Variants in PDILT observed in about 807,000 individuals in gnomAD.
PDILT encodes protein disulfide isomerase like, testis expressed.
In PDILT, 43 loss-of-function variants were observed where a neutral mutation model predicts 53.7. The observed-to-expected ratio is 0.80, with a 90% confidence interval of 0.63 to 1.03. PDILT has a LOEUF of 1.03. PDILT is among the 50% of genes least tolerant of loss of function. The pLI is 0.00. For missense variants in PDILT, 727 were observed against 712.3 expected (o/e 1.02, Z -0.24); for synonymous variants, 282 against 274.2 (o/e 1.03, Z -0.28).
chr16:20,360,713 GA>G, intron 10 of PDILT, 56 bp from the exon 11 acceptor site: 2 of 1,325,266 alleles, frequency 1.5e-6, no homozygotes, highest in Non-Finnish European at 2.2e-6. Flanking sequence ...AGAGATGCTC[GA>G]GGATTGCTAC....
At chr16:20,372,489 C>A (rs543690191) in intron 7 of PDILT, among the ~76,000 whole-genome samples, 8 of 152,176 alleles carry the variant, frequency 5.3e-5, no homozygotes, top group Non-Finnish European at 1.0e-4. Context: ...TGTATGGAGT[C>A]CACTTAGTGG....
intron 2 of PDILT, among the ~76,000 whole-genome samples, chr16:20,398,555 C>G (rs187822878): frequency 6.6e-6 from 1 of 152,296 alleles, no homozygotes; most frequent in East Asian, 1.9e-4. Context: ...CGCGTGAACA[C>G]AGGAGGTGGA....
At chr16:20,399,662 C>T (rs898401158) in intron 1 of PDILT, among the ~76,000 whole-genome samples, 2 of 151,850 alleles carry the variant, frequency 1.3e-5, no homozygotes, top group Admixed American at 6.6e-5. Flanking sequence ...CTCTGGATCT[C>T]AGAGATAACT....
chr16:20,396,948 C>A (rs995989445), intron 2 of PDILT, among the ~76,000 whole-genome samples: 1 of 152,130 alleles, frequency 6.6e-6, no homozygotes, highest in Non-Finnish European at 1.5e-5. Flanking sequence ...ACTTTCATCA[C>A]CACAACAACC....
intron 3 of PDILT, among the ~76,000 whole-genome samples, chr16:20,382,929 C>T (rs1395179554): frequency 6.6e-6 from 1 of 152,172 alleles, no homozygotes; most frequent in African/African-American, 2.4e-5. Flanking sequence ...CTGTAGAGAA[C>T]AAGCAATAAG....
In PDILT at chr16:20,372,893, C is replaced by T. The variant is rs375150932; in HGVS notation, c.827G>A (p.Ser276Asn). 6.2e-7 allele frequency: 1 copy of T among 1,614,086 alleles called. No homozygotes were observed. The highest frequency in any genetic ancestry group is 8.5e-7 in the Non-Finnish European group (1 of 1,179,980). Reference protein sequence around the residue: ...KDLISELHIMSHMLLFVSKSS... With the variant: ...KDLISELHIMNHMLLFVSKSS... ...TTTGGAGACAAACAGCAGCATGTGA[C>T]TCATGATGTGCAACTCGGAAATCAG... The change falls in exon 7 of 12, where the codon AGT becomes AAT. Residue 276 changes from serine to asparagine, a missense_variant. Ser to Asn is a conservative substitution (Grantham distance 46). Coordinates refer to ENST00000302451, the MANE Select transcript of PDILT (RefSeq NM_174924.2).
In PDILT at chr16:20,385,855, A is replaced by C. The variant is rs1310118584; in HGVS notation, c.203-1004T>G. ...TAGAGGGAAATTTTCCAAACTATTA[A>C]AATTTTTTGTTTTAAAAAAATTCTG... is the stretch of plus-strand genomic sequence containing the variant. On this transcript the variant is annotated intron_variant, in intron 2 of 11. Transcript: ENST00000302451. 9 of 152,318 alleles carry C rather than the reference A, an allele frequency of 5.9e-5. No individual in the cohort carries two copies. In the South Asian group the frequency reaches 1.2e-3, roughly 21 times the overall value. The allele number at this position is 152,318 out of a possible 1,614,324, so 9.4% of individuals were successfully genotyped here. A position where few individuals can be genotyped will look rare whatever the true frequency, so the allele number is the denominator to read the frequency against.
intron 8 of PDILT, 134 bp from the exon 9 acceptor site, chr16:20,365,674 T>A: frequency 8.8e-7 from 1 of 1,132,882 alleles, no homozygotes; most frequent in Non-Finnish European, 1.3e-6. Context: ...GGGTTTGAAA[T>A]ACTGAGATGG....
chr16:20,360,872 G>A (rs1430864614), intron 10 of PDILT, among the ~76,000 whole-genome samples: 1 of 152,196 alleles, frequency 6.6e-6, no homozygotes, highest in East Asian at 1.9e-4. Context: ...ATCAAAGCAC[G>A]GACTGTAAAA....
At chr16:20,393,496 A>T (rs1966629316) in intron 2 of PDILT, among the ~76,000 whole-genome samples, 2 of 152,228 alleles carry the variant, frequency 1.3e-5, no homozygotes, top group African/African-American at 4.8e-5. Context: ...TGTGGGAACT[A>T]TAAATGTTAA....
At chr16:20,390,092 GA>G (rs994511701) in intron 2 of PDILT, among the ~76,000 whole-genome samples, 2 of 152,040 alleles carry the variant, frequency 1.3e-5, no homozygotes, top group Admixed American at 6.6e-5. Context: ...GATCAAGCAT[GA>G]AAAAAATATT....
intron 9 of PDILT, 70 bp from the exon 10 acceptor site, chr16:20,362,652 T>TGCCATGTGTAG: frequency 1.4e-6 from 2 of 1,459,302 alleles, no homozygotes; most frequent in Non-Finnish European, 1.9e-6. Flanking sequence ...ACCCTACACA[T>TGCCATGTGTAG]GGCATCGCTG....
chr16:20,384,689 T>G lies in PDILT; in HGVS notation c.365A>C (p.Lys122Thr), dbSNP rs767200436. The G allele has an allele frequency of 6.2e-7, 1 of 1,614,212 alleles. No homozygotes were observed. Among genetic ancestry groups the G allele is most frequent in the Admixed American group, 1.7e-5 (1 of 60,034 alleles). Reference sequence around the variant, plus strand: ...TGACCTGTTGCCCTCAAAAAACAGCTTCAACTCCGGGGCCTTGGTAATCCC... The same window carrying G: ...TGACCTGTTGCCCTCAAAAAACAGCGTCAACTCCGGGGCCTTGGTAATCCC... ...EFGITKAPEL[K>T]LFFEGNRSEP... Residue 122 changes from lysine (K) to threonine (T), a missense_variant, in exon 3 of 12, where the codon AAG becomes ACG. By Grantham distance (78) the Lys-to-Thr change is moderately conservative (BLOSUM62 -1). Transcript: ENST00000302451.
At chr16:20,360,394 A>G (rs1471808503) in intron 11 of PDILT, among the ~76,000 whole-genome samples, 174 bp downstream of exon 11, 2 of 152,148 alleles carry the variant, frequency 1.3e-5, no homozygotes, top group African/African-American at 4.8e-5. Flanking sequence ...TCCCATAGTA[A>G]GTGCCTTTGA....
At chr16:20,366,983 C>CT (rs1966205311) in intron 8 of PDILT, among the ~76,000 whole-genome samples, 1 of 32,374 alleles carries the variant, frequency 3.1e-5, no homozygotes, top group African/African-American at 9.2e-5. Context: ...TTCCTTCCTT[C>CT]CTTCCTTTCT....
chr16:20,391,127 A>G (rs1291381872), intron 2 of PDILT: 2 of 156,188 alleles, frequency 1.3e-5, no homozygotes, highest in Non-Finnish European at 2.8e-5. Flanking sequence ...CATAACAATT[A>G]TCACCAGCAC....
At chr16:20,379,738 T>G (rs531421622) in intron 3 of PDILT, among the ~76,000 whole-genome samples, 5 of 152,200 alleles carry the variant, frequency 3.3e-5, no homozygotes, top group Non-Finnish European at 7.3e-5. Flanking sequence ...TTAGTAGATA[T>G]AGTTAAGGTC....
At chr16:20,365,805 G>A (rs541720480) in intron 8 of PDILT, among the ~76,000 whole-genome samples, 11 of 151,868 alleles carry the variant, frequency 7.2e-5, no homozygotes, top group Non-Finnish European at 1.3e-4. Context: ...GATTTAAGCC[G>A]GGCGCGGTGG....
At chr16:20,385,091 A>G (rs1464076527) in intron 2 of PDILT, among the ~76,000 whole-genome samples, 1 of 152,234 alleles carries the variant, frequency 6.6e-6, no homozygotes, top group African/African-American at 2.4e-5. Flanking sequence ...ACCATGGGCA[A>G]CTTTACTCCA....
Sources: gnomAD v4.1 joint callset for allele counts (sites outside exome capture counted in the v4.1 genomes callset) on GRCh38, gnomAD v4.1.1 for gene constraint, MANE v1.5 for transcripts, NCBI Gene and HGNC (gene_info 2026-07-23, HGNC 2026-07-21) for gene names.